The following PPP4R2 variants were observed in gnomAD, a reference collection of about 807,000 sequenced individuals.
PPP4R2 encodes protein phosphatase 4 regulatory subunit 2, also known as serine/threonine-protein phosphatase 4 regulatory subunit 2.
A neutral mutation model predicts 47.2 loss-of-function variants in PPP4R2; 13 were observed. That is an observed-to-expected ratio of 0.28 (90% CI 0.18 to 0.44). PPP4R2 has a LOEUF of 0.44. Ranked by LOEUF, PPP4R2 falls within the 20% of genes least tolerant of loss-of-function variation. The pLI, the probability that PPP4R2 is intolerant of heterozygous loss-of-function variation, is 1.00. For missense variants in PPP4R2, 421 were observed against 491.2 expected, an observed-to-expected ratio of 0.86 and a Z score of 1.35; for synonymous variants, 151 against 163.3, an observed-to-expected ratio of 0.92 and a Z score of 0.57.
chr3:73,062,529 A>G, intron 5 of PPP4R2: 1 of 1,613,946 alleles, frequency 6.2e-7, no homozygotes. Flanking sequence ...CAAGAGGTCT[A>G]ATACTGTGGT....
intron 2 of PPP4R2, among the ~76,000 whole-genome samples, chr3:73,035,981 G>C (rs1702254119): frequency 6.6e-6 from 1 of 152,130 alleles, no homozygotes; most frequent in Non-Finnish European, 1.5e-5. Flanking sequence ...ATCAATCTAA[G>C]TATCTACAAA....
chr3:73,040,307 C>T (rs764842803), intron 2 of PPP4R2, among the ~76,000 whole-genome samples: 1 of 152,084 alleles, frequency 6.6e-6, no homozygotes, highest in Non-Finnish European at 1.5e-5. Context: ...AAGTATGGTA[C>T]ATGGTGTCTG....
At chr3:73,036,184 G>T (rs1398845280) in intron 2 of PPP4R2, among the ~76,000 whole-genome samples, 1 of 152,122 alleles carries the variant, frequency 6.6e-6, no homozygotes, top group Non-Finnish European at 1.5e-5. Flanking sequence ...CATTATGTTG[G>T]AGCTAAAAAA....
chr3:73,004,162 T>G (rs1235394442), intron 2 of PPP4R2, among the ~76,000 whole-genome samples: 3 of 151,582 alleles, frequency 2.0e-5, no homozygotes, highest in Non-Finnish European at 4.4e-5. Context: ...ATGTCTTGTA[T>G]GTTGTCTGTG....
At chr3:73,005,636 G>T (rs1167953341) in intron 2 of PPP4R2, among the ~76,000 whole-genome samples, 1 of 151,828 alleles carries the variant, frequency 6.6e-6, no homozygotes, top group African/African-American at 2.4e-5. Flanking sequence ...ATCACCTGAG[G>T]TCGGGAGTTC....
chr3:73,056,095 A>G (rs1702726865), intron 3 of PPP4R2, among the ~76,000 whole-genome samples: 1 of 152,178 alleles, frequency 6.6e-6, no homozygotes, highest in South Asian at 2.1e-4. Context: ...GTTAGAATAA[A>G]CTATTTTGTA....
intron 2 of PPP4R2, among the ~76,000 whole-genome samples, chr3:73,035,911 C>T (rs534749879): frequency 2.2e-4 from 33 of 152,228 alleles, no homozygotes; most frequent in African/African-American, 7.5e-4. Context: ...CCACTGCGCC[C>T]GGCCAATACC....
intron 2 of PPP4R2, among the ~76,000 whole-genome samples, chr3:73,017,379 T>A (rs907517062): frequency 1.3e-4 from 20 of 152,172 alleles, no homozygotes; most frequent in African/African-American, 4.3e-4. Context: ...CTGTGTGTAT[T>A]TTACAGTCCA....
At chr3:73,037,204 G>A (rs1281140948) in intron 2 of PPP4R2, among the ~76,000 whole-genome samples, 1 of 152,022 alleles carries the variant, frequency 6.6e-6, no homozygotes, top group Non-Finnish European at 1.5e-5. Context: ...ACATTGTCCT[G>A]TACAACTGAA....
chr3:73,001,713 A>G (rs949373729), intron 2 of PPP4R2, among the ~76,000 whole-genome samples: 7 of 152,018 alleles, frequency 4.6e-5, no homozygotes, highest in East Asian at 3.9e-4. Context: ...ATCTCGGCTC[A>G]CTTCATCCCC....
chr3:73,015,052 A>G (rs1318906469), intron 2 of PPP4R2: 3 of 528,874 alleles, frequency 5.7e-6, no homozygotes, highest in Non-Finnish European at 1.0e-5. Flanking sequence ...ATTAATAAAC[A>G]TGCCAAAGCA....
At chr3:73,058,635 C>T (rs925207782) in intron 3 of PPP4R2, among the ~76,000 whole-genome samples, 1 of 152,056 alleles carries the variant, frequency 6.6e-6, no homozygotes, top group Admixed American at 6.6e-5. Flanking sequence ...TCCATCACCT[C>T]AAGCGTTTCT....
chr3:73,053,882 G>A (rs893498518), intron 3 of PPP4R2, among the ~76,000 whole-genome samples: 3 of 148,100 alleles, frequency 2.0e-5, no homozygotes, highest in African/African-American at 7.5e-5. Context: ...GCACTCCAGC[G>A]TGGGTGACAG....
intron 2 of PPP4R2, among the ~76,000 whole-genome samples, chr3:73,011,635 A>G (rs879546898): frequency 5.3e-5 from 8 of 152,178 alleles, no homozygotes; most frequent in Non-Finnish European, 1.2e-4. Flanking sequence ...GTGTGGGTCA[A>G]TAAGATAGAT....
rs997196306 is a variant in PPP4R2 at position 73,066,269 on chromosome 3, AG to A, written c.*553del. 1.0e-4 allele frequency: 12 copies of A among 118,366 alleles called. No homozygotes were observed. Among genetic ancestry groups the A allele is most frequent in the Non-Finnish European group, 1.7e-4 (9 of 54,132 alleles). 7.3% of individuals were successfully genotyped at this position (118,366 alleles called of 1,614,324 possible). On this transcript the variant is annotated 3_prime_UTR_variant, in exon 9 of 9. Coordinates refer to ENST00000356692, the MANE Select transcript of PPP4R2 (RefSeq NM_174907.4). ...ATATATATATATATATATAATTCTA[AG>A]GGGGGAAATGTTATATTTTTCTGTT...
intron 2 of PPP4R2, among the ~76,000 whole-genome samples, chr3:73,032,634 C>CT (rs1285179487): frequency 2.0e-5 from 3 of 152,124 alleles, no homozygotes; most frequent in Non-Finnish European, 4.4e-5. Flanking sequence ...TACTTTTTCT[C>CT]TTAATTTTAC....
At chr3:73,040,890 CTG>C (rs1290960873) in intron 2 of PPP4R2, among the ~76,000 whole-genome samples, 1 of 152,210 alleles carries the variant, frequency 6.6e-6, no homozygotes, top group East Asian at 1.9e-4. Context: ...CCCTCAAAGA[CTG>C]TTTGTCCCAT....
At chr3:73,033,015 C>G (rs1363354997) in intron 2 of PPP4R2, among the ~76,000 whole-genome samples, 2 of 152,158 alleles carry the variant, frequency 1.3e-5, no homozygotes, top group African/African-American at 2.4e-5. Context: ...AATGGAAATT[C>G]TACCATCTTA....
chr3:73,058,176 AG>A (rs1387068124), intron 3 of PPP4R2, among the ~76,000 whole-genome samples: 3 of 152,126 alleles, frequency 2.0e-5, no homozygotes, highest in African/African-American at 7.2e-5. Flanking sequence ...GGAAAAATTG[AG>A]GTATAGTGAA....
Sources: gnomAD v4.1 joint callset for allele counts (sites outside exome capture counted in the v4.1 genomes callset) on GRCh38, gnomAD v4.1.1 for gene constraint, MANE v1.5 for transcripts, NCBI Gene and HGNC (gene_info 2026-07-23, HGNC 2026-07-21) for gene names.